Variants in CHST8 observed in about 807,000 individuals in gnomAD.
The protein encoded by CHST8 is carbohydrate sulfotransferase 8, also known as GALNAC-4-ST1.
A neutral mutation model predicts 15.0 loss-of-function variants in CHST8; 10 were observed. The ratio of observed to expected loss-of-function variants is 0.67; its 90% CI spans 0.41 to 1.13. The LOEUF is 1.13. Ranked by LOEUF, CHST8 falls within the 50% of genes most tolerant of loss-of-function variation. The probability of loss-of-function intolerance (pLI) is 0.00; values close to 1 mark genes in which losing one functional copy is unlikely to be tolerated. For synonymous variants in CHST8, 259 were observed against 256.6 expected, an observed-to-expected ratio of 1.01 and a Z score of -0.09; for missense variants, 634 against 608.2, an observed-to-expected ratio of 1.04 and a Z score of -0.45.
chr19:33,709,290 A>C (rs536137124), intron 3 of CHST8, among the ~76,000 whole-genome samples: 6 of 152,306 alleles, frequency 3.9e-5, no homozygotes, highest in African/African-American at 1.4e-4. Context: ...TTCATGCTTT[A>C]TTCCGGATCT....
intron 3 of CHST8, among the ~76,000 whole-genome samples, chr19:33,765,415 A>G (rs1482095702): frequency 2.0e-5 from 3 of 152,012 alleles, no homozygotes; most frequent in African/African-American, 7.3e-5. Context: ...TTGTTACAGC[A>G]GCTGCAGGAA....
chr19:33,630,891 A>G (rs1972113562), intron 1 of CHST8, among the ~76,000 whole-genome samples: 1 of 152,218 alleles, frequency 6.6e-6, no homozygotes, highest in Admixed American at 6.5e-5. Flanking sequence ...CACAAGGTTC[A>G]GAGCTCTCAA....
intron 3 of CHST8, among the ~76,000 whole-genome samples, chr19:33,724,790 G>A (rs964324456): frequency 8.5e-5 from 13 of 152,146 alleles, no homozygotes; most frequent in Non-Finnish European, 1.9e-4. Flanking sequence ...GGCCCACTCC[G>A]GGTGGGCTGG....
Position 33,772,117 on chromosome 19 carries a change from G to T in CHST8, c.329G>T (p.Arg110Leu). 1 of 1,610,676 alleles carries T rather than the reference G, an allele frequency of 6.2e-7. No homozygotes were observed. The highest frequency in any genetic ancestry group is 8.5e-7 in the Non-Finnish European group (1 of 1,178,984). The change falls in exon 5 of 5, where the codon CGC becomes CTC. Residue 110 changes from arginine (R) to leucine (L), a missense_variant. Transcript: ENST00000650847. ...GGAACCCGTCTGCGGCTCCGCCAGCGCCGTCGCCGTCTGCTCATCAAGAAA... is the reference window on the plus strand; with the variant it reads ...GGAACCCGTCTGCGGCTCCGCCAGCTCCGTCGCCGTCTGCTCATCAAGAAA... ...QRGTRLRLRQ[R>L]RRRLLIKKMP... is the part of the protein sequence containing the mutation.
At position 33,687,362 on chromosome 19, in the gene CHST8, C is replaced by A. The variant is rs73591075; in HGVS notation, c.-86-1814C>A. Among the ~76,000 whole-genome samples the A allele has an allele frequency of 3.8e-3, 572 of 152,342 alleles. 4 individuals carry two copies. Among genetic ancestry groups the A allele is most frequent in the African/African-American group, 0.013 (540 of 41,568 alleles). ...CTTTGAGTCTGAGCCCTTGGGGACA[C>A]ATGAGTGTCCATTTCTACTCTTTGC... On this transcript the variant is annotated intron_variant, in intron 2 of 4. Transcript: ENST00000650847.
intron 1 of CHST8, among the ~76,000 whole-genome samples, chr19:33,654,103 C>T (rs984965259): frequency 2.6e-5 from 4 of 152,174 alleles, no homozygotes; most frequent in African/African-American, 7.2e-5. Flanking sequence ...ACCTTGTCTC[C>T]TAGTTTACTA....
At chr19:33,741,962 C>T (rs1179248324) in intron 3 of CHST8, among the ~76,000 whole-genome samples, 4 of 152,044 alleles carry the variant, frequency 2.6e-5, no homozygotes, top group Admixed American at 1.3e-4. Flanking sequence ...ATGAGCCAGG[C>T]TTGGGTCATT....
At chr19:33,652,888 CA>C (rs1012433393) in intron 1 of CHST8, among the ~76,000 whole-genome samples, 30 of 152,204 alleles carry the variant, frequency 2.0e-4, no homozygotes, top group Admixed American at 3.3e-4. Flanking sequence ...TGGTTTAACC[CA>C]ATATGATTTA....
chr19:33,733,860 C>A (rs1231612833), intron 3 of CHST8, among the ~76,000 whole-genome samples: 2 of 152,220 alleles, frequency 1.3e-5, no homozygotes, highest in African/African-American at 4.8e-5. Flanking sequence ...TTCTCAACGG[C>A]CCACACACCA....
At chr19:33,690,275 C>G (rs1274720314) in intron 3 of CHST8, among the ~76,000 whole-genome samples, 1 of 152,194 alleles carries the variant, frequency 6.6e-6, no homozygotes, top group Non-Finnish European at 1.5e-5. Flanking sequence ...CACCCACTCA[C>G]TCTCTCTTGC....
Position 33,772,410 on chromosome 19 carries a change from G to T in CHST8, c.622G>T (p.Val208Leu). The T allele has an allele frequency of 1.2e-6, 2 of 1,610,218 alleles. No homozygotes were observed. Among genetic ancestry groups the T allele is most frequent in the South Asian group, 1.1e-5 (1 of 91,020 alleles). The change falls in exon 5 of 5, where the codon GTG (valine) becomes TTG (leucine). Residue 208 changes from valine to leucine, a missense_variant. Transcript: ENST00000650847. ...GGCCGGCTGCTCCAATTGGAAGCGG[G>T]TGCTCATGGTGCTGGCCGGCCTGGC... The part of the protein sequence containing the change: ...PKAGCSNWKR[V>L]LMVLAGLASS...
chr19:33,694,818 C>T (rs1197875164), intron 3 of CHST8, among the ~76,000 whole-genome samples: 1 of 152,094 alleles, frequency 6.6e-6, no homozygotes, highest in African/African-American at 2.4e-5. Context: ...GAGCTTCAGG[C>T]GATCTACCTG....
intron 3 of CHST8, among the ~76,000 whole-genome samples, chr19:33,722,368 C>T (rs978461082): frequency 3.9e-5 from 6 of 151,910 alleles, no homozygotes; most frequent in African/African-American, 1.2e-4. Flanking sequence ...GATGGACGGA[C>T]GGACAGACGG....
chr19:33,627,788 A>T (rs1414462589), intron 1 of CHST8, among the ~76,000 whole-genome samples: 1 of 152,118 alleles, frequency 6.6e-6, no homozygotes, highest in African/African-American at 2.4e-5. Flanking sequence ...CTGCATGTTT[A>T]TGGAGCAGGT....
chr19:33,772,290 C>G lies in CHST8; in HGVS notation c.502C>G (p.Arg168Gly). Residue 168 changes from arginine (R) to glycine (G), a missense_variant, in exon 5 of 5, where the codon CGG becomes GGG. Arg to Gly is a moderately radical substitution (Grantham distance 125, BLOSUM62 -2). Transcript: ENST00000650847. ...GATGCAGGAGGCCTGCGCCAAGTAC[C>G]GGGCGAGCAGCAGCCGCCGGGCCGT... ...RVMQEACAKY[R>G]ASSSRRAVTP... The G allele has an allele frequency of 1.2e-6, 2 of 1,602,076 alleles. No individual in the cohort carries two copies. The highest frequency in any genetic ancestry group is 1.7e-6 in the Non-Finnish European group (2 of 1,179,030).
At chr19:33,678,312 C>G (rs1281308385) in intron 2 of CHST8, among the ~76,000 whole-genome samples, 1 of 152,146 alleles carries the variant, frequency 6.6e-6, no homozygotes, top group Non-Finnish European at 1.5e-5. Context: ...TTCCTGGTGG[C>G]CTAAATGAGA....
chr19:33,698,993 A>G (rs964785823), intron 3 of CHST8, among the ~76,000 whole-genome samples: 1 of 152,102 alleles, frequency 6.6e-6, no homozygotes. Flanking sequence ...CTGGACTTAC[A>G]TCTACTCCAC....
At chr19:33,665,592 T>A (rs970364769) in intron 1 of CHST8, among the ~76,000 whole-genome samples, 17 of 151,764 alleles carry the variant, frequency 1.1e-4, no homozygotes, top group African/African-American at 4.1e-4. Flanking sequence ...GGACATTTAA[T>A]CAGAACTAGC....
intron 2 of CHST8, among the ~76,000 whole-genome samples, chr19:33,673,383 A>G (rs16960731): frequency 0.039 from 5,894 of 152,336 alleles, 359 homozygotes; most frequent in African/African-American, 0.13. Context: ...CATGAGGTGA[A>G]CCAGACGTTG....
Sources: gnomAD v4.1 joint callset for allele counts (sites outside exome capture counted in the v4.1 genomes callset) on GRCh38, gnomAD v4.1.1 for gene constraint, MANE v1.5 for transcripts, NCBI Gene and HGNC (gene_info 2026-07-23, HGNC 2026-07-21) for gene names.